Variants in UBE2H observed in about 807,000 individuals in gnomAD.
UBE2H encodes the protein ubiquitin-conjugating enzyme E2 H.
UBE2H carries 3 observed loss-of-function variants against 29.0 expected under a neutral mutation model. That is an observed-to-expected ratio of 0.10 (90% confidence interval 0.05 to 0.27). The LOEUF (loss-of-function observed/expected upper bound fraction) is 0.27, where lower values mean the gene tolerates loss of function less well. UBE2H is among the 10% of genes least tolerant of loss of function. The probability of loss-of-function intolerance (pLI) is 1.00; values close to 1 mark genes in which losing one functional copy is unlikely to be tolerated. For synonymous variants in UBE2H, 69 were observed against 82.9 expected, an observed-to-expected ratio of 0.83 and a Z score of 0.91; for missense variants, 68 against 228.2, an observed-to-expected ratio of 0.30 and a Z score of 4.52.
chr7:129,859,067 A>C, intron 3 of UBE2H, 126 bp from the exon 4 acceptor site: 4 of 721,298 alleles, frequency 5.5e-6, no homozygotes, highest in Non-Finnish European at 9.3e-6. Context: ...TTTCAACCTT[A>C]GATCTTTCAT....
At chr7:129,880,408 A>G (rs1034466173) in intron 2 of UBE2H, among the ~76,000 whole-genome samples, 1 of 152,186 alleles carries the variant, frequency 6.6e-6, no homozygotes, top group African/African-American at 2.4e-5. Flanking sequence ...TCGAAGGCTG[A>G]GGCAGAAGAA....
At chr7:129,881,549 G>A (rs1178574298) in intron 1 of UBE2H, among the ~76,000 whole-genome samples, 1 of 152,128 alleles carries the variant, frequency 6.6e-6, no homozygotes, top group Non-Finnish European at 1.5e-5. Flanking sequence ...TCAGGAGGCC[G>A]AGGCAAAAGA....
At chr7:129,883,511 T>C (rs922003729) in intron 1 of UBE2H, among the ~76,000 whole-genome samples, 2 of 152,178 alleles carry the variant, frequency 1.3e-5, no homozygotes, top group African/African-American at 4.8e-5. Flanking sequence ...GAATAAGCTG[T>C]AGTATAGTCA....
At chr7:129,950,721 A>G (rs1807856811) in intron 1 of UBE2H, among the ~76,000 whole-genome samples, 1 of 152,226 alleles carries the variant, frequency 6.6e-6, no homozygotes, top group African/African-American at 2.4e-5. Context: ...AATAACTCAG[A>G]TGCTGCCACT....
intron 6 of UBE2H, among the ~76,000 whole-genome samples, chr7:129,838,691 G>GT (rs1172165289): frequency 6.6e-6 from 1 of 152,108 alleles, no homozygotes; most frequent in Non-Finnish European, 1.5e-5. Flanking sequence ...CCAGGCTGGA[G>GT]TACAATGGCA....
chr7:129,947,834 A>T (rs1184672251), intron 1 of UBE2H, among the ~76,000 whole-genome samples: 1 of 152,146 alleles, frequency 6.6e-6, no homozygotes, highest in African/African-American at 2.4e-5. Flanking sequence ...GCTGGCACAA[A>T]GCAAGTACCC....
At chr7:129,910,908 G>A (rs1806922757) in intron 1 of UBE2H, among the ~76,000 whole-genome samples, 1 of 151,866 alleles carries the variant, frequency 6.6e-6, no homozygotes, top group African/African-American at 2.4e-5. Flanking sequence ...AACAAAACAG[G>A]ATCACTCTGG....
intron 1 of UBE2H, among the ~76,000 whole-genome samples, chr7:129,906,597 A>T (rs1806822736): frequency 6.6e-6 from 1 of 152,212 alleles, no homozygotes; most frequent in African/African-American, 2.4e-5. Context: ...TTGTTAGGTT[A>T]TCATTTAATG....
intron 1 of UBE2H, among the ~76,000 whole-genome samples, chr7:129,896,829 A>C (rs868056455): frequency 1.3e-5 from 2 of 152,208 alleles, no homozygotes; most frequent in African/African-American, 4.8e-5. Context: ...CAGACCTTTT[A>C]ATCAGGCATT....
At chr7:129,848,496 TG>T (rs1563021143) in intron 5 of UBE2H, among the ~76,000 whole-genome samples, 1 of 152,204 alleles carries the variant, frequency 6.6e-6, no homozygotes, top group Non-Finnish European at 1.5e-5. Flanking sequence ...GAGGAAAACA[TG>T]GACAAAAATC....
At chr7:129,949,757 C>A (rs775130136) in intron 1 of UBE2H, among the ~76,000 whole-genome samples, 99 of 152,288 alleles carry the variant, frequency 6.5e-4, no homozygotes, top group Middle Eastern at 3.4e-3. Flanking sequence ...TCCCTACCCC[C>A]ACACTGCTAC....
chr7:129,882,305 AG>A (rs930415257), intron 1 of UBE2H, among the ~76,000 whole-genome samples: 3 of 152,270 alleles, frequency 2.0e-5, no homozygotes, highest in African/African-American at 7.2e-5. Context: ...AACATTAAAA[AG>A]GAAAACACAA....
rs1162085087 is a variant in UBE2H at position 129,834,550 on chromosome 7, G to C, written c.*387C>G. The C allele has an allele frequency of 1.9e-5, 3 of 156,860 alleles. No homozygotes were observed. The East Asian group carries it at 5.6e-4, about 29-fold the overall frequency. 9.7% of individuals were successfully genotyped at this position (156,860 alleles called of 1,614,324 possible). A position where few individuals can be genotyped will look rare whatever the true frequency, so the allele number is the denominator to read the frequency against. On this transcript the variant is annotated 3_prime_UTR_variant, in exon 7 of 7. Transcript: ENST00000355621. The stretch of plus-strand genomic sequence containing the variant: ...ATTTTATCTTCACATCCAAGAGCTG[G>C]TTGGTTTGGTTTGTTTCTTTGGAAA...
chr7:129,948,385 T>C (rs1293525302), intron 1 of UBE2H, among the ~76,000 whole-genome samples: 3 of 152,234 alleles, frequency 2.0e-5, no homozygotes, highest in Admixed American at 2.0e-4. Flanking sequence ...CCAACGATTC[T>C]GTAAAATTAA....
intron 3 of UBE2H, among the ~76,000 whole-genome samples, chr7:129,872,954 G>C (rs759874253): frequency 2.6e-5 from 4 of 151,394 alleles, no homozygotes; most frequent in African/African-American, 9.7e-5. Flanking sequence ...CAGTCTAGTG[G>C]AACAGGGCAA....
chr7:129,912,881 A>G (rs1204342110), intron 1 of UBE2H, among the ~76,000 whole-genome samples: 1 of 152,212 alleles, frequency 6.6e-6, no homozygotes, highest in Non-Finnish European at 1.5e-5. Flanking sequence ...TAATCACTAA[A>G]AATTTTCCTC....
intron 1 of UBE2H, among the ~76,000 whole-genome samples, chr7:129,886,758 G>GTTTTTTGGTT (rs149930321): frequency 0.25 from 10,021 of 40,028 alleles, 820 homozygotes; most frequent in African/African-American, 0.3. Flanking sequence ...CTGGTTTTTT[G>GTTTTTTGGTT]TTTTTTGGTA....
intron 1 of UBE2H, among the ~76,000 whole-genome samples, chr7:129,885,503 C>T (rs1360275951): frequency 6.6e-6 from 1 of 150,584 alleles, no homozygotes; most frequent in African/African-American, 2.4e-5. Flanking sequence ...TTCCATTTTG[C>T]GGTTTGTTTG....
At chr7:129,952,443 C>G in intron 1 of UBE2H, 60 bp downstream of exon 1, 3 of 1,590,818 alleles carry the variant, frequency 1.9e-6, no homozygotes, top group Non-Finnish European at 1.7e-6. Context: ...TCCGGGGGTG[C>G]CCTGGGCATC....
Sources: allele counts gnomAD v4.1 joint callset (sites outside exome capture counted in the v4.1 genomes callset), GRCh38; gene constraint gnomAD v4.1.1; transcripts MANE v1.5; gene names NCBI Gene and HGNC (gene_info 2026-07-23, HGNC 2026-07-21).